USP48: variants seen among roughly 807,000 people sequenced by gnomAD.
USP48 encodes ubiquitin specific peptidase 48, also known as ubiquitin carboxyl-terminal hydrolase 48.
In USP48, 43 loss-of-function variants were observed where a neutral mutation model predicts 150.7. The ratio of observed to expected loss-of-function variants is 0.29; its 90% CI spans 0.22 to 0.37. The LOEUF is 0.37. Ranked by LOEUF, USP48 falls within the 10% of genes least tolerant of loss-of-function variation. The probability of loss-of-function intolerance (pLI) is 1.00; values close to 1 mark genes in which losing one functional copy is unlikely to be tolerated. For missense variants in USP48, 813 were observed against 1,249.6 expected (o/e 0.65, Z 5.27); for synonymous variants, 396 against 425.9 (o/e 0.93, Z 0.86).
intron 6 of USP48, among the ~76,000 whole-genome samples, chr1:21,749,475 G>T (rs189705516): frequency 6.6e-6 from 1 of 152,048 alleles, no homozygotes; most frequent in Non-Finnish European, 1.5e-5. Flanking sequence ...CTCCTCCCAG[G>T]TCCTCCCTAT....
chr1:21,695,800 C>G (rs1278510774), intron 22 of USP48, among the ~76,000 whole-genome samples: 1 of 152,086 alleles, frequency 6.6e-6, no homozygotes, highest in African/African-American at 2.4e-5. Flanking sequence ...GAATTTTAAA[C>G]ATTTTCTTCT....
At chr1:21,749,831 G>C (rs539882601) in intron 6 of USP48, among the ~76,000 whole-genome samples, 2 of 152,202 alleles carry the variant, frequency 1.3e-5, no homozygotes, top group South Asian at 4.1e-4. Flanking sequence ...TCAAACTACT[G>C]TTCTCAAATG....
intron 15 of USP48, among the ~76,000 whole-genome samples, chr1:21,714,873 G>A (rs1459099927): frequency 6.6e-6 from 1 of 152,182 alleles, no homozygotes; most frequent in Non-Finnish European, 1.5e-5. Flanking sequence ...GCCGAGCCCA[G>A]TGGCTCGTGC....
intron 25 of USP48, among the ~76,000 whole-genome samples, chr1:21,684,359 G>C (rs1258203556): frequency 6.6e-6 from 1 of 152,136 alleles, no homozygotes; most frequent in Admixed American, 6.5e-5. Context: ...ATTTTGATTT[G>C]CATTTCCCTG....
At chr1:21,719,289 T>TA (rs768685471) in intron 14 of USP48, among the ~76,000 whole-genome samples, 2,764 of 119,818 alleles carry the variant, frequency 0.023, 32 homozygotes, top group African/African-American at 0.052. Flanking sequence ...CTCAAAAAAG[T>TA]AAAAAAAAAA....
intron 10 of USP48, among the ~76,000 whole-genome samples, chr1:21,729,291 A>C (rs1221290481): frequency 6.6e-6 from 1 of 151,970 alleles, no homozygotes; most frequent in Non-Finnish European, 1.5e-5. Context: ...CAAAAAAAAA[A>C]AAAAAAGAAA....
At chr1:21,726,820 A>G (rs2097738653) in intron 11 of USP48, among the ~76,000 whole-genome samples, 1 of 152,086 alleles carries the variant, frequency 6.6e-6, no homozygotes, top group Admixed American at 6.6e-5. Flanking sequence ...GACATAATCA[A>G]CTCCAAATGA....
chr1:21,724,104 G>A lies in USP48; in HGVS notation c.1451-9C>T, dbSNP rs1049905680. The A allele has an allele frequency of 6.2e-7, 1 of 1,613,554 alleles. No individual in the cohort carries two copies. Among genetic ancestry groups the A allele is most frequent in the Admixed American group, 1.7e-5 (1 of 59,944 alleles). On this transcript the variant is annotated splice_polypyrimidine_tract_variant and intron_variant, in intron 11 of 26. Coordinates refer to ENST00000308271, the MANE Select transcript of USP48 (RefSeq NM_032236.8). ...GACAAACTCATAGGGCTCTGAGAAA[G>A]CAAGCATCGGAAAGAGCCTATGTAT...
intron 15 of USP48, among the ~76,000 whole-genome samples, chr1:21,708,898 AAAAAGAAAG>A (rs1352007834): frequency 2.9e-4 from 17 of 57,930 alleles, no homozygotes; most frequent in Admixed American, 6.9e-4. Context: ...AAAAAAAAAA[AAAAAGAAAG>A]AAAAGAAAAG....
intron 6 of USP48, among the ~76,000 whole-genome samples, chr1:21,751,286 T>C (rs2097812597): frequency 6.6e-6 from 1 of 152,200 alleles, no homozygotes. Flanking sequence ...CACACATACA[T>C]AACTTTACAT....
At chr1:21,777,866 G>A (rs945067166) in intron 1 of USP48, among the ~76,000 whole-genome samples, 2 of 151,542 alleles carry the variant, frequency 1.3e-5, no homozygotes, top group Non-Finnish European at 2.9e-5. Flanking sequence ...AGTGGCTCAC[G>A]CCTGTAATCC....
chr1:21,679,183 CCA>C lies in USP48; in HGVS notation c.*232_*233del. On this transcript the variant is annotated 3_prime_UTR_variant, in exon 27 of 27. Transcript: ENST00000308271. ...GTCTTTACTTGCCCCCTCCCACCCA[CCA>C]CCCCCCTTAAATATAAAATTGGAAA... 2.4e-6 allele frequency: 1 copy of C among 408,448 alleles called. No individual in the cohort carries two copies. 25.3% of individuals were successfully genotyped at this position (408,448 alleles called of 1,614,324 possible).
intron 11 of USP48, chr1:21,724,963 T>G (rs999018252): frequency 6.6e-6 from 1 of 151,910 alleles, no homozygotes; most frequent in East Asian, 1.9e-4. Context: ...CATACAGAGG[T>G]TGAATTTATA....
At chr1:21,774,660 C>T (rs927127025) in intron 1 of USP48, among the ~76,000 whole-genome samples, 3 of 151,978 alleles carry the variant, frequency 2.0e-5, no homozygotes, top group Admixed American at 6.6e-5. Context: ...GTACTCCAGC[C>T]TGGCAACAGA....
intron 6 of USP48, among the ~76,000 whole-genome samples, chr1:21,750,634 A>C (rs1176143644): frequency 2.6e-5 from 4 of 152,302 alleles, no homozygotes; most frequent in Admixed American, 2.0e-4. Flanking sequence ...GCACTTTGGG[A>C]GGCCAAGGCA....
At chr1:21,751,413 A>G in intron 6 of USP48, 94 bp downstream of exon 6, 1 of 932,138 alleles carries the variant, frequency 1.1e-6, no homozygotes, top group South Asian at 1.5e-5. Context: ...TGACACAATA[A>G]AAGCTCTAGC....
chr1:21,723,847 G>A, intron 12 of USP48, 51 bp downstream of exon 12: 1 of 1,506,374 alleles, frequency 6.6e-7, no homozygotes. Context: ...ACCATAAGAT[G>A]AAGATTTAAT....
chr1:21,715,496 T>C, intron 14 of USP48, 39 bp from the exon 15 acceptor site: 1 of 1,371,798 alleles, frequency 7.3e-7, no homozygotes. Flanking sequence ...GCTGTGGTTA[T>C]TGTGTACTTA....
chr1:21,780,158 A>C (rs552700008), intron 1 of USP48, among the ~76,000 whole-genome samples: 50 of 152,346 alleles, frequency 3.3e-4, no homozygotes, highest in Non-Finnish European at 5.9e-4. Context: ...AATAATCAAA[A>C]TGTCCCTCAA....
Sources: allele counts gnomAD v4.1 joint callset (sites outside exome capture counted in the v4.1 genomes callset), GRCh38; gene constraint gnomAD v4.1.1; transcripts MANE v1.5; gene names NCBI Gene and HGNC (gene_info 2026-07-23, HGNC 2026-07-21).